The following NCALD variants were observed in gnomAD, a reference collection of about 807,000 sequenced individuals.
The protein encoded by NCALD is neurocalcin delta, also known as neurocalcin-delta.
NCALD carries 10 observed loss-of-function variants against 18.6 expected under a neutral mutation model. The ratio of observed to expected loss-of-function variants is 0.54; its 90% confidence interval spans 0.33 to 0.91. The LOEUF (loss-of-function observed/expected upper bound fraction) is 0.91, where lower values mean the gene tolerates loss of function less well. Among genes scored for constraint, NCALD ranks in the 40% least tolerant of loss-of-function variants. The probability of loss-of-function intolerance (pLI) is 0.03; values close to 1 mark genes in which losing one functional copy is unlikely to be tolerated. For missense variants in NCALD, 184 were observed against 247.6 expected, an observed-to-expected ratio of 0.74 and a Z score of 1.72; for synonymous variants, 88 against 87.4, an observed-to-expected ratio of 1.01 and a Z score of -0.04.
chr8:101,801,062 A>G (rs1363040871), intron 4 of NCALD, among the ~76,000 whole-genome samples: 1 of 151,872 alleles, frequency 6.6e-6, no homozygotes, highest in African/African-American at 2.4e-5. Flanking sequence ...AAGGAAAAGG[A>G]AAAGGGAAAG....
chr8:101,961,081 C>T (rs934833956), intron 2 of NCALD, among the ~76,000 whole-genome samples: 2 of 152,076 alleles, frequency 1.3e-5, no homozygotes, highest in African/African-American at 4.8e-5. Context: ...ATATGAGTGC[C>T]GTAATGCTGA....
chr8:102,070,913 G>C (rs960600823), intron 1 of NCALD, among the ~76,000 whole-genome samples: 1 of 151,990 alleles, frequency 6.6e-6, no homozygotes, highest in African/African-American at 2.4e-5. Flanking sequence ...GTGTATAATA[G>C]AAATCTAAAA....
chr8:102,041,182 C>A (rs1216200242), intron 1 of NCALD, among the ~76,000 whole-genome samples: 1 of 152,204 alleles, frequency 6.6e-6, no homozygotes, highest in African/African-American at 2.4e-5. Context: ...CTATTCCTCA[C>A]CTTTGCAGCC....
At chr8:101,864,839 G>A (rs756656261) in intron 4 of NCALD, among the ~76,000 whole-genome samples, 5 of 151,892 alleles carry the variant, frequency 3.3e-5, no homozygotes, top group Admixed American at 1.3e-4. Flanking sequence ...CAGGTGATCC[G>A]CCCATCTCAG....
At chr8:101,752,749 GAGCT>G (rs1235617381) in intron 1 of NCALD, among the ~76,000 whole-genome samples, 1 of 152,218 alleles carries the variant, frequency 6.6e-6, no homozygotes, top group African/African-American at 2.4e-5. Context: ...TGCTCTGCAA[GAGCT>G]AGCAATCTAG....
At chr8:102,001,465 C>G (rs1168094477) in intron 2 of NCALD, among the ~76,000 whole-genome samples, 1 of 152,158 alleles carries the variant, frequency 6.6e-6, no homozygotes, top group African/African-American at 2.4e-5. Flanking sequence ...GGATATTGTC[C>G]AGGAGAACTT....
At chr8:101,965,955 TTGAC>T (rs1432673497) in intron 2 of NCALD, among the ~76,000 whole-genome samples, 1 of 152,126 alleles carries the variant, frequency 6.6e-6, no homozygotes, top group African/African-American at 2.4e-5. Context: ...ATTGATAGGT[TTGAC>T]TGGATGAAAA....
chr8:101,695,295 G>C (rs1333266911), intron 2 of NCALD, among the ~76,000 whole-genome samples: 1 of 152,180 alleles, frequency 6.6e-6, no homozygotes, highest in Non-Finnish European at 1.5e-5. Flanking sequence ...TTTTAAGGGG[G>C]CTGTGTATTT....
intron 1 of NCALD, among the ~76,000 whole-genome samples, chr8:101,723,984 G>C (rs7840931): frequency 2.0e-5 from 3 of 152,000 alleles, no homozygotes; most frequent in Non-Finnish European, 2.9e-5. Flanking sequence ...CACAATTAAG[G>C]CATTTTTGCA....
At chr8:101,762,485 A>T (rs546880393) in intron 1 of NCALD, among the ~76,000 whole-genome samples, 1 of 152,206 alleles carries the variant, frequency 6.6e-6, no homozygotes, top group African/African-American at 2.4e-5. Flanking sequence ...AGGAGATTTT[A>T]TCAGATGGCT....
rs1427217071 is a variant in NCALD, at chr8:101,687,470, CAGAGTCTAGGTCTCAAA to C, written c.*1822_*1838del. On this transcript the variant is annotated 3_prime_UTR_variant, in exon 4 of 4. Transcript: ENST00000220931. ...TGGAGGAAGACTAGGATTATTTTTA[CAGAGTCTAGGTCTCAAA>C]ATTTCACCCTATGGATTTGGTTCTT... The C allele has an allele frequency of 6.6e-6, 1 of 152,662 alleles. No homozygotes were observed. The highest frequency in any genetic ancestry group is 1.5e-5 in the Non-Finnish European group (1 of 68,052). The allele number at this position is 152,662 out of a possible 1,614,324, so 9.5% of individuals were successfully genotyped here. A position where few individuals can be genotyped will look rare whatever the true frequency, so the allele number is the denominator to read the frequency against.
intron 1 of NCALD, among the ~76,000 whole-genome samples, chr8:102,083,426 C>G (rs532229777): frequency 7.2e-4 from 109 of 152,310 alleles, no homozygotes; most frequent in African/African-American, 2.5e-3. Context: ...TGAAATGCCT[C>G]TGTGAATGGG....
At chr8:102,048,469 G>C (rs1475216560) in intron 1 of NCALD, among the ~76,000 whole-genome samples, 1 of 152,144 alleles carries the variant, frequency 6.6e-6, no homozygotes, top group Non-Finnish European at 1.5e-5. Flanking sequence ...CTCTTTCTCT[G>C]TACTGGAATG....
chr8:102,014,580 C>CA (rs905574955), intron 2 of NCALD, among the ~76,000 whole-genome samples: 46 of 144,174 alleles, frequency 3.2e-4, no homozygotes, highest in African/African-American at 2.5e-4. Context: ...GCACAGAGCT[C>CA]AAAAAAAAAA....
intron 4 of NCALD, among the ~76,000 whole-genome samples, chr8:101,821,883 A>T (rs1455186872): frequency 2.0e-3 from 14 of 6,848 alleles, no homozygotes; most frequent in Non-Finnish European, 3.7e-3. Context: ...GTTCTAAGTA[A>T]AAAAAAAAAA....
chr8:101,894,779 C>T (rs1188765527), intron 3 of NCALD, among the ~76,000 whole-genome samples: 1 of 150,884 alleles, frequency 6.6e-6, no homozygotes, highest in Admixed American at 6.6e-5. Flanking sequence ...TGGATAAATT[C>T]CTCAACACAT....
chr8:101,750,169 C>G (rs777117912), intron 1 of NCALD: 1 of 152,116 alleles, frequency 6.6e-6, no homozygotes, highest in African/African-American at 2.4e-5. Flanking sequence ...CTCACTGTAA[C>G]GAGAACAGAA....
chr8:101,972,633 G>A (rs1326577856), intron 2 of NCALD, among the ~76,000 whole-genome samples: 2 of 152,174 alleles, frequency 1.3e-5, no homozygotes, highest in African/African-American at 4.8e-5. Flanking sequence ...TATCCTCAGT[G>A]CCTGGCACTG....
At chr8:101,776,648 G>A (rs1811804561) in intron 1 of NCALD, among the ~76,000 whole-genome samples, 1 of 151,962 alleles carries the variant, frequency 6.6e-6, no homozygotes, top group East Asian at 1.9e-4. Context: ...AGGGGCCCAA[G>A]GACAACTTGA....
Sources: allele counts gnomAD v4.1 joint callset (sites outside exome capture counted in the v4.1 genomes callset), GRCh38; gene constraint gnomAD v4.1.1; transcripts MANE v1.5; gene names NCBI Gene and HGNC (gene_info 2026-07-23, HGNC 2026-07-21).